The following IMMP2L variants were observed in gnomAD, a reference collection of about 807,000 sequenced individuals.
IMMP2L encodes the protein inner mitochondrial membrane peptidase subunit 2.
In IMMP2L, 18 loss-of-function variants were observed where a neutral mutation model predicts 19.3. The ratio of observed to expected loss-of-function variants is 0.93; its 90% CI spans 0.64 to 1.38. The LOEUF (loss-of-function observed/expected upper bound fraction) is 1.38. Ranked by LOEUF, IMMP2L falls within the 40% of genes most tolerant of loss-of-function variation. The probability of loss-of-function intolerance (pLI) is 0.00; values close to 1 mark genes in which losing one functional copy is unlikely to be tolerated. For synonymous variants in IMMP2L, 76 were observed against 73.0 expected (o/e 1.04, Z -0.21); for missense variants, 233 against 218.2 (o/e 1.07, Z -0.43).
chr7:111,142,509 C>T (rs1323066668), intron 3 of IMMP2L, among the ~76,000 whole-genome samples: 3 of 151,956 alleles, frequency 2.0e-5, no homozygotes, highest in Non-Finnish European at 2.9e-5. Context: ...AGAAAAAGTG[C>T]AACAAGTAGG....
At chr7:111,103,546 C>T (rs17158333) in intron 3 of IMMP2L, among the ~76,000 whole-genome samples, 107,156 of 151,360 alleles carry the variant, frequency 0.71, 40,303 homozygotes, top group East Asian at 0.86. Flanking sequence ...AATTCTACAA[C>T]CTTTTATGAT....
At chr7:110,875,134 G>A (rs1022764464) in intron 5 of IMMP2L, among the ~76,000 whole-genome samples, 1 of 151,976 alleles carries the variant, frequency 6.6e-6, no homozygotes, top group African/African-American at 2.4e-5. Flanking sequence ...AAAATATAAC[G>A]GTTTAACCAG....
At chr7:111,241,280 T>G (rs1814995678) in intron 3 of IMMP2L, among the ~76,000 whole-genome samples, 1 of 151,934 alleles carries the variant, frequency 6.6e-6, no homozygotes, top group Non-Finnish European at 1.5e-5. Flanking sequence ...TAATTTGAAG[T>G]TAAAATAGAT....
chr7:111,301,761 C>T (rs1446520630), intron 3 of IMMP2L, among the ~76,000 whole-genome samples: 1 of 151,774 alleles, frequency 6.6e-6, no homozygotes, highest in Non-Finnish European at 1.5e-5. Context: ...ATTAAGTTGG[C>T]CACATCTGTG....
chr7:110,680,359 C>T (rs986643250), intron 5 of IMMP2L, among the ~76,000 whole-genome samples: 1 of 152,120 alleles, frequency 6.6e-6, no homozygotes, highest in Non-Finnish European at 1.5e-5. Context: ...GATGAGTGAT[C>T]CACTCCACTC....
chr7:111,537,435 A>G (rs967076204), intron 1 of IMMP2L, among the ~76,000 whole-genome samples: 1 of 152,024 alleles, frequency 6.6e-6, no homozygotes, highest in Non-Finnish European at 1.5e-5. Flanking sequence ...AAATCGTTCA[A>G]TAACTCCTCA....
chr7:111,414,112 G>C (rs912225580), intron 3 of IMMP2L, among the ~76,000 whole-genome samples: 1 of 151,834 alleles, frequency 6.6e-6, no homozygotes, highest in South Asian at 2.1e-4. Context: ...CCCCTCCTCA[G>C]GGGCTGGCTC....
At position 111,539,882 on chromosome 7, in the gene IMMP2L, A is replaced by G. The variant is rs141328504; in HGVS notation, c.-2-18433T>C. 2.1e-3 allele frequency among the ~76,000 whole-genome samples: 324 copies of G among 152,260 alleles called. 3 individuals are homozygous for G. The highest frequency in any genetic ancestry group is 7.4e-3 in the African/African-American group (307 of 41,570). ...AAATGAGAAATACCATTTGAATACA[A>G]AAATATCCAGGTAGAGGGAAAACAA... On this transcript the variant is annotated intron_variant, in intron 1 of 5. Transcript: ENST00000405709.
intron 5 of IMMP2L, among the ~76,000 whole-genome samples, chr7:110,704,937 T>C (rs1309085778): frequency 3.3e-5 from 5 of 152,190 alleles, no homozygotes; most frequent in Admixed American, 2.6e-4. Flanking sequence ...AAGCATTTTC[T>C]TAGACCAGAT....
chr7:111,404,898 C>CA (rs1227881911), intron 3 of IMMP2L, among the ~76,000 whole-genome samples: 1 of 151,868 alleles, frequency 6.6e-6, no homozygotes, highest in African/African-American at 2.4e-5. Context: ...AAATGCAACC[C>CA]AAAAAATGTG....
rs115125389 is a variant in IMMP2L, at chr7:111,309,118, T to G, written c.239+178120A>C. On this transcript the variant is annotated intron_variant, in intron 3 of 5. Coordinates refer to ENST00000405709, the MANE Select transcript of IMMP2L (RefSeq NM_032549.4). The stretch of plus-strand genomic sequence containing the variant: ...CAAATGGTTGTGAAATTGTCATAAT[T>G]TGGGATCAAGATTTGAGAGAAGGAA... Among the ~76,000 whole-genome samples, 980 of 152,220 alleles carry G rather than the reference T, an allele frequency of 6.4e-3. 10 individuals are homozygous for G. Among genetic ancestry groups the G allele is most frequent in the African/African-American group, 0.021 (861 of 41,558 alleles).
intron 3 of IMMP2L, among the ~76,000 whole-genome samples, chr7:111,120,924 CCTCT>C (rs1348128085): frequency 1.3e-5 from 2 of 149,618 alleles, no homozygotes; most frequent in Non-Finnish European, 2.9e-5. Flanking sequence ...TTTTATGTTG[CCTCT>C]CTAACAGGCA....
chr7:111,532,617 A>G (rs1847504059), intron 1 of IMMP2L: 1 of 152,160 alleles, frequency 6.6e-6, no homozygotes, highest in African/African-American at 2.4e-5. Flanking sequence ...TGGAAAGAGA[A>G]AGTCACAAAA....
intron 3 of IMMP2L, among the ~76,000 whole-genome samples, chr7:111,240,496 T>G (rs1190702988): frequency 1.3e-5 from 2 of 151,950 alleles, no homozygotes; most frequent in African/African-American, 4.8e-5. Context: ...TCTGTCATGT[T>G]TCAAACCCCT....
intron 3 of IMMP2L, among the ~76,000 whole-genome samples, chr7:111,304,670 ATGTG>A (rs147788856): frequency 0.047 from 5,891 of 125,992 alleles, 166 homozygotes; most frequent in Middle Eastern, 0.087. Context: ...CACATATATA[ATGTG>A]TGTGTGTGTG....
chr7:110,875,929 T>C (rs1338228872), intron 5 of IMMP2L, among the ~76,000 whole-genome samples: 1 of 152,110 alleles, frequency 6.6e-6, no homozygotes, highest in African/African-American at 2.4e-5. Context: ...CTAATTTAAA[T>C]TGACAATATC....
chr7:111,065,910 G>GTA (rs1169728686), intron 3 of IMMP2L, among the ~76,000 whole-genome samples: 3 of 150,920 alleles, frequency 2.0e-5, no homozygotes, highest in East Asian at 1.9e-4. Flanking sequence ...ATGTGTGTGT[G>GTA]TGTGCGCGCG....
chr7:110,997,024 G>C (rs939153488), intron 3 of IMMP2L, among the ~76,000 whole-genome samples: 1 of 151,840 alleles, frequency 6.6e-6, no homozygotes, highest in African/African-American at 2.4e-5. Context: ...CAATCACAAA[G>C]GGCATTCATG....
chr7:111,006,019 T>A (rs1261316583), intron 3 of IMMP2L, among the ~76,000 whole-genome samples: 1 of 151,964 alleles, frequency 6.6e-6, no homozygotes, highest in Non-Finnish European at 1.5e-5. Context: ...GCTACCCTAG[T>A]CCCTCCACAC....
Sources: allele counts gnomAD v4.1 joint callset (sites outside exome capture counted in the v4.1 genomes callset), GRCh38; gene constraint gnomAD v4.1.1; transcripts MANE v1.5; gene names NCBI Gene and HGNC (gene_info 2026-07-23, HGNC 2026-07-21).